Variants in FDFT1 observed in about 807,000 individuals in gnomAD.
The protein encoded by FDFT1 is farnesyl-diphosphate farnesyltransferase 1, also known as squalene synthase.
FDFT1 carries 68 observed loss-of-function variants against 46.8 expected under a neutral mutation model. The observed-to-expected ratio is 1.45, with a 90% CI of 1.19 to 1.78. The LOEUF (loss-of-function observed/expected upper bound fraction) is 1.78. FDFT1 is among the 40% of genes most tolerant of loss of function. The pLI is 0.00. For synonymous variants in FDFT1, 351 were observed against 185.1 expected, an observed-to-expected ratio of 1.90 and a Z score of -7.28; for missense variants, 928 against 524.4, an observed-to-expected ratio of 1.77 and a Z score of -7.52.
chr8:11,835,559 A>T (rs1811423571), intron 7 of FDFT1, among the ~76,000 whole-genome samples: 1 of 152,186 alleles, frequency 6.6e-6, no homozygotes, highest in African/African-American at 2.4e-5. Flanking sequence ...GGAGTTCTCT[A>T]AAAGGGTTTT....
chr8:11,815,571 C>A (rs1462142574), intron 3 of FDFT1, among the ~76,000 whole-genome samples: 1 of 152,162 alleles, frequency 6.6e-6, no homozygotes, highest in East Asian at 1.9e-4. Flanking sequence ...TTGTAACTGG[C>A]TTGAGATGGT....
chr8:11,798,213 C>G (rs575323688), upstream of FDFT1: 1 of 152,222 alleles, frequency 6.6e-6, no homozygotes, highest in Non-Finnish European at 1.5e-5. Flanking sequence ...GCACCCACAA[C>G]CACGCTCAGC....
rs1233940514 is a variant in FDFT1 at position 11,802,779 on chromosome 8, C to T, written c.-54C>T. The T allele has an allele frequency of 2.9e-5, 42 of 1,427,244 alleles. No individual in the cohort carries two copies. In the Admixed American group the frequency reaches 3.4e-4, roughly 12 times the overall value. The allele number at this position is 1,427,244 out of a possible 1,614,324, so 88.4% of individuals were successfully genotyped here. ...CACAGGTCCAGCCGGCCGGTGAGCG[C>T]CTGGGGACCGCAGAGGTGAGAGTCG... is the stretch of plus-strand genomic sequence containing the variant. On this transcript the variant is annotated 5_prime_UTR_variant, in exon 1 of 8. Coordinates refer to ENST00000220584, the MANE Select transcript of FDFT1 (RefSeq NM_004462.5).
intron 3 of FDFT1, among the ~76,000 whole-genome samples, chr8:11,821,035 C>A (rs548313653): frequency 6.6e-6 from 1 of 152,212 alleles, no homozygotes; most frequent in South Asian, 2.1e-4. Flanking sequence ...GTTTGTTGCC[C>A]TGATGTATAT....
chr8:11,809,825 G>A lies in FDFT1; in HGVS notation c.356G>A (p.Arg119His), dbSNP rs771678941. 4 of 1,613,760 alleles carry A rather than the reference G, an allele frequency of 2.5e-6. No homozygotes were observed. Among genetic ancestry groups the A allele is most frequent in the South Asian group, 1.1e-5 (1 of 91,030 alleles). ...TTCATGGAGAGCAAGGAGAAGGATC[G>A]CCAGGTGCTGGAGGACTTCCCAACG... Reference protein sequence around the residue: ...WRFMESKEKDRQVLEDFPTIS... With the variant: ...WRFMESKEKDHQVLEDFPTIS... The change falls in exon 3 of 8, where the codon CGC becomes CAC. Residue 119 changes from arginine (R) to histidine (H), a missense_variant. Arg to His is a conservative substitution (Grantham distance 29). Transcript: ENST00000220584.
At chr8:11,832,330 G>C (rs1349879926) in intron 7 of FDFT1, among the ~76,000 whole-genome samples, 1 of 151,838 alleles carries the variant, frequency 6.6e-6, no homozygotes, top group African/African-American at 2.4e-5. Context: ...CAAGGTGGGA[G>C]GATCACTTGA....
At chr8:11,835,624 C>G (rs147425496) in intron 7 of FDFT1, among the ~76,000 whole-genome samples, 2 of 152,158 alleles carry the variant, frequency 1.3e-5, no homozygotes, top group East Asian at 3.9e-4. Flanking sequence ...ATAAGTAAAT[C>G]TTTTTTCCCA....
intron 3 of FDFT1, among the ~76,000 whole-genome samples, chr8:11,818,363 G>A (rs1808750860): frequency 6.6e-6 from 1 of 152,214 alleles, no homozygotes; most frequent in Admixed American, 6.5e-5. Flanking sequence ...GAGTTCTGTA[G>A]ATGTCTGTTA....
intron 1 of FDFT1, chr8:11,803,767 C>G (rs777260063): frequency 9.3e-5 from 17 of 183,332 alleles, no homozygotes; most frequent in Non-Finnish European, 1.8e-4. Flanking sequence ...ACATCGGAGT[C>G]TTTCTTTCAG....
chr8:11,805,265 G>C (rs1806686135), intron 1 of FDFT1, among the ~76,000 whole-genome samples: 1 of 152,102 alleles, frequency 6.6e-6, no homozygotes, highest in Non-Finnish European at 1.5e-5. Context: ...CAGATACTGA[G>C]GGCTGATTAT....
intron 4 of FDFT1, among the ~76,000 whole-genome samples, chr8:11,825,539 CAAA>C (rs35076894): frequency 9.4e-4 from 89 of 94,754 alleles, no homozygotes; most frequent in Middle Eastern, 5.1e-3. Context: ...GACTTGATCT[CAAA>C]AAAAAAAAAA....
chr8:11,831,317 GTGT>G (rs367860277), intron 6 of FDFT1, among the ~76,000 whole-genome samples, 198 bp from the exon 7 acceptor site: 2 of 152,206 alleles, frequency 1.3e-5, no homozygotes, highest in South Asian at 2.1e-4. Flanking sequence ...TTAATTCTGT[GTGT>G]TGTTGAGAAA....
chr8:11,827,388 T>C (rs1585974481), intron 5 of FDFT1, among the ~76,000 whole-genome samples: 1 of 152,248 alleles, frequency 6.6e-6, no homozygotes, highest in East Asian at 1.9e-4. Flanking sequence ...CATGTTGGCA[T>C]GCACCTGTAT....
chr8:11,836,842 C>G (rs540750473), intron 7 of FDFT1, among the ~76,000 whole-genome samples: 10 of 152,332 alleles, frequency 6.6e-5, no homozygotes, highest in Admixed American at 1.3e-4. Flanking sequence ...TTGAGACCAG[C>G]CTGACCAACA....
chr8:11,819,337 C>A (rs140129083), intron 3 of FDFT1, among the ~76,000 whole-genome samples: 169 of 152,242 alleles, frequency 1.1e-3, no homozygotes, highest in African/African-American at 4.0e-3. Context: ...TGGGATTGCG[C>A]TTCTCGAGGA....
chr8:11,802,700 C>T (rs868332466), upstream of FDFT1: 51 of 683,018 alleles, frequency 7.5e-5, no homozygotes, highest in Non-Finnish European at 3.2e-5. Flanking sequence ...GCGGGCGGGG[C>T]GTCGCCGTAC....
At chr8:11,814,824 C>T (rs929961569) in intron 3 of FDFT1, among the ~76,000 whole-genome samples, 1 of 151,868 alleles carries the variant, frequency 6.6e-6, no homozygotes, top group African/African-American at 2.4e-5. Flanking sequence ...GTTGGCAGAT[C>T]TGCTCACTAG....
In FDFT1 at chr8:11,834,489, C is replaced by T. The variant is rs77962479; in HGVS notation, c.1032+2819C>T. On this transcript the variant is annotated intron_variant, in intron 7 of 7. Transcript: ENST00000220584. The stretch of plus-strand genomic sequence containing the variant: ...CCTGTGGTTAAGTCAGAGAATCATC[C>T]GGCTCTTTGAGCCCCAGGTGCCTAG... Among the ~76,000 whole-genome samples, 711 of 152,280 alleles carry T rather than the reference C, an allele frequency of 4.7e-3. 8 individuals are homozygous for T. Among genetic ancestry groups the T allele is most frequent in the African/African-American group, 0.016 (679 of 41,546 alleles).
Position 11,810,218 on chromosome 8 carries a change from T to G in FDFT1, c.381+368T>G, listed in dbSNP as rs375102864. ...TTATCAGTATTGGAAGTCCAGTGTT[T>G]CTTCCTGTGGGAAGACGCAGTCAAA... is the stretch of plus-strand genomic sequence containing the variant. On this transcript the variant is annotated intron_variant, in intron 3 of 7. Coordinates refer to ENST00000220584, the MANE Select transcript of FDFT1 (RefSeq NM_004462.5). 2.0e-5 allele frequency among the ~76,000 whole-genome samples: 3 copies of G among 152,372 alleles called. No individual in the cohort carries two copies. The East Asian group carries it at 5.8e-4, about 29-fold the overall frequency.
Sources: allele counts gnomAD v4.1 joint callset (sites outside exome capture counted in the v4.1 genomes callset), GRCh38; gene constraint gnomAD v4.1.1; transcripts MANE v1.5; gene names NCBI Gene and HGNC (gene_info 2026-07-23, HGNC 2026-07-21).